The following EXOC6B variants were observed in gnomAD, a reference collection of about 807,000 sequenced individuals.
EXOC6B encodes exocyst complex component 6B.
A neutral mutation model predicts 113.5 loss-of-function variants in EXOC6B; 54 were observed. That is an observed-to-expected ratio of 0.48 (90% CI 0.38 to 0.60). EXOC6B has a LOEUF of 0.60. EXOC6B is among the 20% of genes least tolerant of loss of function. The pLI is 0.00. For synonymous variants in EXOC6B, 357 were observed against 339.0 expected, an observed-to-expected ratio of 1.05 and a Z score of -0.58; for missense variants, 797 against 977.5, an observed-to-expected ratio of 0.82 and a Z score of 2.46.
At chr2:72,235,738 C>T (rs1681920279) in intron 20 of EXOC6B, among the ~76,000 whole-genome samples, 1 of 151,882 alleles carries the variant, frequency 6.6e-6, no homozygotes, top group South Asian at 2.1e-4. Flanking sequence ...TCATGTGGTG[C>T]CACCCTTGTC....
intron 6 of EXOC6B, among the ~76,000 whole-genome samples, chr2:72,608,662 T>C (rs1670889314): frequency 6.6e-6 from 1 of 152,148 alleles, no homozygotes; most frequent in South Asian, 2.1e-4. Flanking sequence ...AAGAAATTTC[T>C]TAAAACTAAA....
At position 72,632,777 on chromosome 2, in the gene EXOC6B, G is replaced by A. The variant is rs569641213; in HGVS notation, c.670-57109C>T. Among the ~76,000 whole-genome samples, 7 of 152,120 alleles carry A rather than the reference G, an allele frequency of 4.6e-5. No homozygotes were observed. The East Asian group carries it at 1.2e-3, about 25-fold the overall frequency. Reference sequence around the variant, plus strand: ...GCTCAGTGCAGTCTTGACCTCCTGGGCTCAGGCAATCCCCAAACCTCAGCC... The same window carrying A: ...GCTCAGTGCAGTCTTGACCTCCTGGACTCAGGCAATCCCCAAACCTCAGCC... On this transcript the variant is annotated intron_variant, in intron 6 of 21. Transcript: ENST00000272427.
Position 72,741,325 on chromosome 2 carries a change from T to C in EXOC6B, c.258A>G (p.Arg86=). 1 of 1,612,514 alleles carries C rather than the reference T, an allele frequency of 6.2e-7. No homozygotes were observed. The highest frequency in any genetic ancestry group is 8.5e-7 in the Non-Finnish European group (1 of 1,179,520). ...VDSITELLKV[R]GEAQKLKNQV... ...TTACTTTGAGTTTCTGGGCTTCTCC[T>C]CTCACTTTCAGCAGTTCAGTTATAG... The change falls in exon 2 of 22, where the codon AGA becomes AGG. Residue 86 remains arginine (R), a synonymous_variant. Transcript: ENST00000272427.
chr2:72,395,899 C>A (rs1216779370), intron 18 of EXOC6B, among the ~76,000 whole-genome samples: 3 of 151,944 alleles, frequency 2.0e-5, no homozygotes, highest in Middle Eastern at 3.4e-3. Context: ...ATAATAGATA[C>A]CTTATTATAA....
intron 17 of EXOC6B, among the ~76,000 whole-genome samples, chr2:72,465,975 A>G (rs1437552381): frequency 2.0e-5 from 3 of 152,176 alleles, no homozygotes; most frequent in African/African-American, 7.2e-5. Context: ...TCTTCAGTAC[A>G]GATCTACTAC....
intron 20 of EXOC6B, among the ~76,000 whole-genome samples, chr2:72,324,701 C>T (rs753462210): frequency 1.3e-5 from 2 of 152,204 alleles, no homozygotes; most frequent in African/African-American, 2.4e-5. Flanking sequence ...CAGCTAGTAA[C>T]GTAAGGTCTG....
chr2:72,218,540 C>A (rs1194731047), intron 20 of EXOC6B, among the ~76,000 whole-genome samples: 1 of 152,206 alleles, frequency 6.6e-6, no homozygotes, highest in East Asian at 1.9e-4. Flanking sequence ...TGTCTTCTGA[C>A]ACTGTTCCTT....
chr2:72,330,437 A>G (rs1191354135), intron 20 of EXOC6B, among the ~76,000 whole-genome samples: 3 of 152,138 alleles, frequency 2.0e-5, no homozygotes, highest in Non-Finnish European at 4.4e-5. Context: ...CCTAATACTT[A>G]AAAGAGAAAA....
intron 21 of EXOC6B, among the ~76,000 whole-genome samples, chr2:72,179,703 C>G (rs1677965604): frequency 6.6e-6 from 1 of 152,076 alleles, no homozygotes; most frequent in South Asian, 2.1e-4. Flanking sequence ...TTGGAGGGGT[C>G]AATCTCCCTA....
chr2:72,697,107 G>GATATAGATATAGAT (rs1308317526), intron 6 of EXOC6B, among the ~76,000 whole-genome samples: 5 of 133,066 alleles, frequency 3.8e-5, no homozygotes, highest in African/African-American at 1.5e-4. Context: ...TTTATATACA[G>GATATAGATATAGAT]ATATAGATAT....
intron 20 of EXOC6B, among the ~76,000 whole-genome samples, chr2:72,206,918 C>T (rs1172431262): frequency 3.3e-5 from 5 of 152,090 alleles, no homozygotes. Flanking sequence ...TCAGAAAAAA[C>T]TTATTTAATT....
rs529756005 is a variant in EXOC6B at position 72,266,863 on chromosome 2, C to T, written c.2196+68084G>A. On this transcript the variant is annotated intron_variant, in intron 20 of 21. Transcript: ENST00000272427. The stretch of plus-strand genomic sequence containing the variant: ...ACCTTGGGCAGTATGGCCATTTTCA[C>T]GATATTCATTCTTCCTACCCATGAG... Among the ~76,000 whole-genome samples the T allele has an allele frequency of 4.6e-4, 70 of 152,266 alleles. 1 individual carries two copies. The South Asian group carries it at 0.013, about 29-fold the overall frequency.
intron 4 of EXOC6B, 40 bp downstream of exon 4, chr2:72,731,115 A>T (rs1316970186): frequency 2.5e-6 from 4 of 1,583,668 alleles, no homozygotes; most frequent in Non-Finnish European, 3.4e-6. Flanking sequence ...AGCAAAAAAA[A>T]AATTACACCA....
intron 6 of EXOC6B, among the ~76,000 whole-genome samples, chr2:72,666,782 C>CACAT (rs774870222): frequency 6.4e-5 from 5 of 78,688 alleles, no homozygotes; most frequent in Non-Finnish European, 1.2e-4. Context: ...TTACAATAGA[C>CACAT]ACACACACAC....
At chr2:72,595,292 T>TATATATATAGATATATAGATATATAG in intron 6 of EXOC6B, among the ~76,000 whole-genome samples, 1 of 143,018 alleles carries the variant, frequency 7.0e-6, no homozygotes, top group South Asian at 2.2e-4. Context: ...TAGATATATA[T>TATATATATAGATATATAGATATATAG]ATCTATATAT....
chr2:72,575,706 G>T (rs780046690), intron 6 of EXOC6B, 38 bp from the exon 7 acceptor site: 1 of 1,472,074 alleles, frequency 6.8e-7, no homozygotes, highest in Non-Finnish European at 9.0e-7. Context: ...ACACCAAAAA[G>T]GTGGGGTTAG....
chr2:72,657,749 T>C (rs1435037454), intron 6 of EXOC6B, among the ~76,000 whole-genome samples: 1 of 151,478 alleles, frequency 6.6e-6, no homozygotes, highest in Non-Finnish European at 1.5e-5. Context: ...TTAGAGAATC[T>C]ACCATAAGAA....
At chr2:72,575,072 C>G (rs1704744837) in intron 7 of EXOC6B, among the ~76,000 whole-genome samples, 1 of 152,084 alleles carries the variant, frequency 6.6e-6, no homozygotes, top group South Asian at 2.1e-4. Flanking sequence ...TCCATCTGAG[C>G]CATTTCTCAA....
chr2:72,203,767 C>T (rs755085556), intron 20 of EXOC6B, among the ~76,000 whole-genome samples: 39 of 152,282 alleles, frequency 2.6e-4, no homozygotes, highest in Non-Finnish European at 5.0e-4. Context: ...AGAGGTATTT[C>T]CCCCATGCAT....
Sources: gnomAD v4.1 joint callset for allele counts (sites outside exome capture counted in the v4.1 genomes callset) on GRCh38, gnomAD v4.1.1 for gene constraint, MANE v1.5 for transcripts, NCBI Gene and HGNC (gene_info 2026-07-23, HGNC 2026-07-21) for gene names.